Variants in ADGRB3 observed in about 807,000 individuals in gnomAD.
The protein encoded by ADGRB3 is adhesion G protein-coupled receptor B3.
In ADGRB3, 37 loss-of-function variants were observed where a neutral mutation model predicts 193.4. That is an observed-to-expected ratio of 0.19 (90% CI 0.15 to 0.25). The LOEUF (loss-of-function observed/expected upper bound fraction) is 0.25, where lower values mean the gene tolerates loss of function less well. Ranked by LOEUF, ADGRB3 falls within the 10% of genes least tolerant of loss-of-function variation. ADGRB3 has a pLI of 1.00. For synonymous variants in ADGRB3, 690 were observed against 644.2 expected, an observed-to-expected ratio of 1.07 and a Z score of -1.08; for missense variants, 1,637 against 1,852.9, an observed-to-expected ratio of 0.88 and a Z score of 2.14.
chr6:68,729,753 GAGGGAAGCAT>G (rs1263659421), intron 3 of ADGRB3, among the ~76,000 whole-genome samples: 6 of 151,570 alleles, frequency 4.0e-5, no homozygotes, highest in African/African-American at 1.2e-4. Context: ...GTGCTGTGCT[GAGGGAAGCAT>G]AGTCAGATAA....
At chr6:69,151,039 C>T (rs945408866) in intron 17 of ADGRB3, among the ~76,000 whole-genome samples, 1 of 152,126 alleles carries the variant, frequency 6.6e-6, no homozygotes, top group Non-Finnish European at 1.5e-5. Context: ...GAAGAAGTCT[C>T]TTTTGGAGCT....
At chr6:69,384,965 T>C (rs111851331) in intron 31 of ADGRB3, among the ~76,000 whole-genome samples, 4,901 of 136,626 alleles carry the variant, frequency 0.036, 281 homozygotes, top group African/African-American at 0.14. Flanking sequence ...CTTTTCTTTT[T>C]TTTTTTTTCC....
intron 17 of ADGRB3, among the ~76,000 whole-genome samples, chr6:69,156,298 G>A (rs1055490668): frequency 6.6e-6 from 1 of 152,152 alleles, no homozygotes; most frequent in Non-Finnish European, 1.5e-5. Flanking sequence ...GTGTGAGCAG[G>A]GAGGCTCAGA....
intron 17 of ADGRB3, among the ~76,000 whole-genome samples, chr6:69,156,416 C>T (rs1299251185): frequency 6.6e-6 from 1 of 152,178 alleles, no homozygotes; most frequent in Admixed American, 6.5e-5. Flanking sequence ...GACAAAAATG[C>T]TTGCAGATGA....
intron 3 of ADGRB3, among the ~76,000 whole-genome samples, chr6:68,698,014 G>C (rs1004051416): frequency 6.6e-6 from 1 of 151,492 alleles, no homozygotes; most frequent in Middle Eastern, 3.2e-3. Context: ...ACAGATATAA[G>C]ATACATAGCT....
chr6:69,017,211 C>T (rs142166626), intron 12 of ADGRB3, among the ~76,000 whole-genome samples: 5 of 151,972 alleles, frequency 3.3e-5, no homozygotes, highest in African/African-American at 9.6e-5. Flanking sequence ...CGGGCACAAC[C>T]GCAAGCCCCT....
chr6:68,707,368 CT>C (rs1765342947), intron 3 of ADGRB3, among the ~76,000 whole-genome samples: 1 of 152,054 alleles, frequency 6.6e-6, no homozygotes. Context: ...TAAGAAACTC[CT>C]TTTCGGCAAT....
At chr6:69,130,578 G>C (rs998506484) in intron 17 of ADGRB3, among the ~76,000 whole-genome samples, 1 of 150,312 alleles carries the variant, frequency 6.7e-6, no homozygotes, top group Non-Finnish European at 1.5e-5. Flanking sequence ...TAGAAATTCA[G>C]CCCCCCGACT....
At chr6:68,768,352 A>G (rs1766551761) in intron 3 of ADGRB3, among the ~76,000 whole-genome samples, 1 of 152,166 alleles carries the variant, frequency 6.6e-6, no homozygotes, top group South Asian at 2.1e-4. Context: ...TATCTAGACC[A>G]AGGGAACAGA....
chr6:68,895,780 G>GT (rs1032990184), intron 3 of ADGRB3, among the ~76,000 whole-genome samples: 119 of 150,602 alleles, frequency 7.9e-4, no homozygotes, highest in South Asian at 3.1e-3. Flanking sequence ...TTCACATAGT[G>GT]TTTTTTTTTC....
intron 3 of ADGRB3, among the ~76,000 whole-genome samples, chr6:68,810,059 A>C (rs947078348): frequency 3.9e-5 from 6 of 152,130 alleles, no homozygotes; most frequent in African/African-American, 1.4e-4. Context: ...AAAGATGTTA[A>C]TATTTGACTT....
At chr6:68,783,644 A>G (rs1766903610) in intron 3 of ADGRB3, among the ~76,000 whole-genome samples, 2 of 144,990 alleles carry the variant, frequency 1.4e-5, no homozygotes, top group Non-Finnish European at 3.1e-5. Context: ...AATTTTCATA[A>G]GAGAAAAGCC....
At chr6:69,255,503 C>A (rs890217463) in intron 20 of ADGRB3, among the ~76,000 whole-genome samples, 11 of 150,840 alleles carry the variant, frequency 7.3e-5, no homozygotes, top group African/African-American at 2.2e-4. Flanking sequence ...GCATAAATGT[C>A]TTGAGAAGTG....
chr6:69,363,724 A>G (rs1769503421), intron 29 of ADGRB3, among the ~76,000 whole-genome samples: 1 of 152,030 alleles, frequency 6.6e-6, no homozygotes, highest in Non-Finnish European at 1.5e-5. Context: ...CTTGTCCTTT[A>G]AGTGTGTACA....
At chr6:69,207,443 G>A (rs1326709462) in intron 17 of ADGRB3, among the ~76,000 whole-genome samples, 1 of 152,154 alleles carries the variant, frequency 6.6e-6, no homozygotes, top group Non-Finnish European at 1.5e-5. Context: ...CTTGGTTATA[G>A]GAGGGGCCAA....
At chr6:69,106,383 G>A (rs1646011974) in intron 17 of ADGRB3, among the ~76,000 whole-genome samples, 1 of 152,086 alleles carries the variant, frequency 6.6e-6, no homozygotes, top group African/African-American at 2.4e-5. Flanking sequence ...GTGTATGACA[G>A]GTCTAGGTTG....
chr6:68,734,544 A>T (rs905959299), intron 3 of ADGRB3, among the ~76,000 whole-genome samples: 2 of 152,000 alleles, frequency 1.3e-5, no homozygotes, highest in African/African-American at 2.4e-5. Flanking sequence ...CCGTCTGTAT[A>T]TTTAAATTTT....
intron 21 of ADGRB3, among the ~76,000 whole-genome samples, chr6:69,326,928 G>A (rs1011658546): frequency 6.6e-6 from 1 of 152,088 alleles, no homozygotes; most frequent in African/African-American, 2.4e-5. Flanking sequence ...ACACTATGGT[G>A]TGTCCTTCTG....
chr6:68,815,384 A>C (rs2127377772), intron 3 of ADGRB3, among the ~76,000 whole-genome samples: 1 of 152,288 alleles, frequency 6.6e-6, no homozygotes, highest in East Asian at 1.9e-4. Context: ...AGCAGGCTGA[A>C]GTTGTCAAAG....
Sources: allele counts gnomAD v4.1 joint callset (sites outside exome capture counted in the v4.1 genomes callset), GRCh38; gene constraint gnomAD v4.1.1; transcripts MANE v1.5; gene names NCBI Gene and HGNC (gene_info 2026-07-23, HGNC 2026-07-21).